KCNIP4: variants seen among roughly 807,000 people sequenced by gnomAD.
The protein encoded by KCNIP4 is potassium voltage-gated channel interacting protein 4.
KCNIP4 carries 12 observed loss-of-function variants against 34.0 expected under a neutral mutation model. The ratio of observed to expected loss-of-function variants is 0.35; its 90% CI spans 0.23 to 0.57. The LOEUF is 0.57. Ranked by LOEUF, KCNIP4 falls within the 20% of genes least tolerant of loss-of-function variation. KCNIP4 has a pLI of 0.83. For missense variants in KCNIP4, 238 were observed against 311.7 expected (o/e 0.76, Z 1.78); for synonymous variants, 124 against 102.2 (o/e 1.21, Z -1.29).
Position 21,259,591 on chromosome 4 carries a change from A to G in KCNIP4, c.62-376882T>C, listed in dbSNP as rs568382623. 2.0e-5 allele frequency among the ~76,000 whole-genome samples: 3 copies of G among 152,300 alleles called. No individual in the cohort carries two copies. In the East Asian group the frequency reaches 5.8e-4, roughly 29 times the overall value. ...GGAACTCTTGTTATTACAGAAAAAA[A>G]CACATTTTCAGCTTCTATTGCATAG... is the stretch of plus-strand genomic sequence containing the variant. On this transcript the variant is annotated intron_variant, in intron 1 of 8. Coordinates refer to ENST00000382152, the MANE Select transcript of KCNIP4 (RefSeq NM_025221.6).
In KCNIP4 at chr4:21,230,254, G is replaced by C. The variant is rs559622686; in HGVS notation, c.62-347545C>G. ...GAATCCAAGGAAGAATTCTCTCCTG[G>C]AGCCTTTGTAGAGTTCATTCCCCTG... is the stretch of plus-strand genomic sequence containing the variant. On this transcript the variant is annotated intron_variant, in intron 1 of 8. Transcript: ENST00000382152. Among the ~76,000 whole-genome samples the C allele has an allele frequency of 2.6e-5, 4 of 152,214 alleles. No individual in the cohort carries two copies. In the East Asian group the frequency reaches 7.8e-4, roughly 30 times the overall value.
chr4:20,925,423 A>G (rs901355009), intron 1 of KCNIP4, among the ~76,000 whole-genome samples: 1 of 152,184 alleles, frequency 6.6e-6, no homozygotes, highest in Admixed American at 6.5e-5. Context: ...TACCAAAACC[A>G]AGATGGCGAT....
intron 1 of KCNIP4, among the ~76,000 whole-genome samples, chr4:21,865,569 G>A (rs1725364698): frequency 6.6e-6 from 1 of 151,972 alleles, no homozygotes; most frequent in African/African-American, 2.4e-5. Context: ...TTGAGATGGA[G>A]TTTCGCTCTT....
chr4:21,688,085 AT>A (rs1750950426), intron 1 of KCNIP4, among the ~76,000 whole-genome samples: 3 of 152,156 alleles, frequency 2.0e-5, no homozygotes, highest in African/African-American at 7.2e-5. Flanking sequence ...ACTTATATTT[AT>A]TTATGATATC....
At chr4:21,906,853 G>A (rs1014139715) in intron 1 of KCNIP4, among the ~76,000 whole-genome samples, 2 of 152,006 alleles carry the variant, frequency 1.3e-5, no homozygotes, top group African/African-American at 4.8e-5. Flanking sequence ...AAGCAAAACA[G>A]TATCATTTAG....
At position 21,519,483 on chromosome 4, in the gene KCNIP4, T is replaced by TAC. The variant is rs1459341281; in HGVS notation, c.61+429086_61+429087dup. Among the ~76,000 whole-genome samples the TAC allele has an allele frequency of 9.7e-5, 13 of 133,996 alleles. 3 individuals carry two copies. The highest frequency in any genetic ancestry group is 3.2e-4 in the African/African-American group (11 of 34,388). 87.9% of individuals were successfully genotyped at this position (133,996 alleles called of 152,430 possible). On this transcript the variant is annotated intron_variant, in intron 1 of 8. Coordinates refer to ENST00000382152, the MANE Select transcript of KCNIP4 (RefSeq NM_025221.6). ...ATATGTGTGTATGTGTATGTGTATA[T>TAC]ACACATATGTGTGTATGTGTATGTG...
At chr4:20,907,016 G>C in intron 1 of KCNIP4, among the ~76,000 whole-genome samples, 1 of 152,178 alleles carries the variant, frequency 6.6e-6, no homozygotes, top group East Asian at 1.9e-4. Flanking sequence ...ATATAGAACA[G>C]TTTCTGCCAC....
At chr4:21,599,863 G>T (rs918356920) in intron 1 of KCNIP4, among the ~76,000 whole-genome samples, 2 of 152,024 alleles carry the variant, frequency 1.3e-5, no homozygotes, top group Non-Finnish European at 2.9e-5. Context: ...TTGGAGGCAG[G>T]CCCAAAGGAA....
chr4:20,759,564 C>T (rs1754772864), intron 3 of KCNIP4, among the ~76,000 whole-genome samples: 1 of 152,122 alleles, frequency 6.6e-6, no homozygotes, highest in South Asian at 2.1e-4. Context: ...TTGGGAACTA[C>T]ACCCATGTTG....
At chr4:21,232,383 C>G (rs1045751064) in intron 1 of KCNIP4, among the ~76,000 whole-genome samples, 10 of 152,076 alleles carry the variant, frequency 6.6e-5, no homozygotes, top group Non-Finnish European at 1.3e-4. Flanking sequence ...TGGACTTTAT[C>G]ATTGACTATA....
At chr4:21,180,589 T>C (rs1754767978) in intron 1 of KCNIP4, among the ~76,000 whole-genome samples, 1 of 151,844 alleles carries the variant, frequency 6.6e-6, no homozygotes, top group South Asian at 2.1e-4. Context: ...TCTTTCATTA[T>C]CTGGGTTAAA....
At position 21,150,213 on chromosome 4, in the gene KCNIP4, C is replaced by A. The variant is rs555711492; in HGVS notation, c.62-267504G>T. Among the ~76,000 whole-genome samples, 8 of 152,204 alleles carry A rather than the reference C, an allele frequency of 5.3e-5. No individual in the cohort carries two copies. In the South Asian group the frequency reaches 1.2e-3, roughly 24 times the overall value. Reference sequence around the variant, plus strand: ...TTCTAGTTCAAAGGAGCATGGAGTTCCAGCAAACACATAGGGTATGTAGAA... The same window carrying A: ...TTCTAGTTCAAAGGAGCATGGAGTTACAGCAAACACATAGGGTATGTAGAA... On this transcript the variant is annotated intron_variant, in intron 1 of 8. Transcript: ENST00000382152.
intron 1 of KCNIP4, among the ~76,000 whole-genome samples, chr4:21,640,837 A>G (rs553738626): frequency 1.6e-4 from 25 of 152,282 alleles, no homozygotes; most frequent in South Asian, 6.2e-4. Context: ...GATCCAGCAG[A>G]TTCAATGGTG....
intron 1 of KCNIP4, among the ~76,000 whole-genome samples, chr4:21,468,264 GGAA>G (rs1676130054): frequency 1.3e-5 from 2 of 152,158 alleles, no homozygotes; most frequent in South Asian, 2.1e-4. Context: ...ACATCAGAAA[GGAA>G]GAAGAAGAGA....
intron 1 of KCNIP4, among the ~76,000 whole-genome samples, chr4:21,571,641 T>C (rs35709055): frequency 0.16 from 24,246 of 152,096 alleles, 2,221 homozygotes; most frequent in South Asian, 0.24. Context: ...AAGGTGAAGA[T>C]GAGCAGGCAA....
intron 1 of KCNIP4, among the ~76,000 whole-genome samples, chr4:20,884,375 T>A (rs1725047983): frequency 6.6e-6 from 1 of 151,936 alleles, no homozygotes; most frequent in Non-Finnish European, 1.5e-5. Context: ...ATGTTATAAA[T>A]GTCCTTAATA....
rs184970679 is a variant in KCNIP4, at chr4:21,109,555, G to A, written c.62-226846C>T. ...AATTCCCTGACCCCTTGCGCTTCCC[G>A]AGTGAGGCAATGCCTGGCCCTGCTT... On this transcript the variant is annotated intron_variant, in intron 1 of 8. Transcript: ENST00000382152. Among the ~76,000 whole-genome samples, 187 of 152,304 alleles carry A rather than the reference G, an allele frequency of 1.2e-3. 2 individuals are homozygous for A. The East Asian group carries it at 0.022, about 18-fold the overall frequency.
chr4:20,847,239 A>G (rs1291864148), intron 3 of KCNIP4, among the ~76,000 whole-genome samples: 2 of 152,164 alleles, frequency 1.3e-5, no homozygotes, highest in African/African-American at 4.8e-5. Context: ...ACAAAGACAC[A>G]TCGTCTCCTG....
chr4:20,756,609 G>A (rs1209004052), intron 4 of KCNIP4, among the ~76,000 whole-genome samples: 1 of 151,490 alleles, frequency 6.6e-6, no homozygotes, highest in Non-Finnish European at 1.5e-5. Flanking sequence ...TCTTCTCATC[G>A]TCCTTTTCAC....
Sources: gnomAD v4.1 joint callset for allele counts (sites outside exome capture counted in the v4.1 genomes callset) on GRCh38, gnomAD v4.1.1 for gene constraint, MANE v1.5 for transcripts, NCBI Gene and HGNC (gene_info 2026-07-23, HGNC 2026-07-21) for gene names.